The following EPHA7 variants were observed in gnomAD, a reference collection of about 807,000 sequenced individuals.
EPHA7 encodes the protein EPH receptor A7, also known as ephrin type-A receptor 7.
Under a neutral mutation model 112.6 loss-of-function variants are expected in EPHA7, and 25 were observed. The ratio of observed to expected loss-of-function variants is 0.22; its 90% CI spans 0.16 to 0.31. The LOEUF (loss-of-function observed/expected upper bound fraction) is 0.31, where lower values mean the gene tolerates loss of function less well. Ranked by LOEUF, EPHA7 falls within the 10% of genes least tolerant of loss-of-function variation. The pLI, the probability that EPHA7 is intolerant of heterozygous loss-of-function variation, is 1.00. For missense variants in EPHA7, 962 were observed against 1,212.6 expected, an observed-to-expected ratio of 0.79 and a Z score of 3.07; for synonymous variants, 437 against 406.5, an observed-to-expected ratio of 1.07 and a Z score of -0.90.
At chr6:93,315,492 T>C (rs1463262850) in intron 5 of EPHA7, among the ~76,000 whole-genome samples, 2 of 152,120 alleles carry the variant, frequency 1.3e-5, no homozygotes. Flanking sequence ...TATGTAACAA[T>C]CTAAATGACA....
chr6:93,284,888 G>A (rs375417348), intron 5 of EPHA7, among the ~76,000 whole-genome samples: 4 of 152,142 alleles, frequency 2.6e-5, no homozygotes, highest in Non-Finnish European at 2.9e-5. Context: ...GGAGAAATAC[G>A]TAATGTAGAT....
intron 5 of EPHA7, among the ~76,000 whole-genome samples, chr6:93,318,626 G>A (rs1421263988): frequency 6.6e-6 from 1 of 151,780 alleles, no homozygotes; most frequent in Non-Finnish European, 1.5e-5. Flanking sequence ...ATGTCATTTT[G>A]TTTTTTGTTT....
intron 5 of EPHA7, among the ~76,000 whole-genome samples, chr6:93,305,149 G>C (rs556244122): frequency 6.6e-6 from 1 of 150,740 alleles, no homozygotes; most frequent in Admixed American, 6.6e-5. Context: ...ATTACTTCCT[G>C]GTACAAAATA....
chr6:93,410,449 A>T lies in EPHA7; in HGVS notation c.832+52T>A. 1 of 1,484,222 alleles carries T rather than the reference A, an allele frequency of 6.7e-7. No homozygotes were observed. Among genetic ancestry groups the T allele is most frequent in the East Asian group, 2.3e-5 (1 of 43,994 alleles). The allele number at this position is 1,484,222 out of a possible 1,614,324, so 91.9% of individuals were successfully genotyped here. ...TAACTATTAAAGTTTAAAATGTCTG[A>T]TACTGAAATTTAAAAAGGCAAAGTG... On this transcript the variant is annotated intron_variant, in intron 3 of 16. Coordinates refer to ENST00000369303, the MANE Select transcript of EPHA7 (RefSeq NM_004440.4). This position sits in a 1 kb window ranked among gnomAD's most constrained non-coding sequence, Gnocchi z 4.0.
intron 5 of EPHA7, among the ~76,000 whole-genome samples, chr6:93,320,062 G>T (rs1489941381): frequency 6.6e-6 from 1 of 151,952 alleles, no homozygotes; most frequent in African/African-American, 2.4e-5. Context: ...GATAATTAAA[G>T]ATGTGACTCA....
intron 3 of EPHA7, among the ~76,000 whole-genome samples, chr6:93,376,657 A>G (rs1305697729): frequency 6.6e-6 from 1 of 152,192 alleles, no homozygotes; most frequent in Non-Finnish European, 1.5e-5. Context: ...GAACAAAAAT[A>G]AAGTAGATTG....
At chr6:93,291,455 T>A (rs1053094774) in intron 5 of EPHA7, among the ~76,000 whole-genome samples, 3 of 152,110 alleles carry the variant, frequency 2.0e-5, no homozygotes, top group African/African-American at 7.2e-5. Context: ...TAAACTTCCA[T>A]CACTAAACAA....
intron 5 of EPHA7, among the ~76,000 whole-genome samples, chr6:93,311,085 G>A (rs1390222230): frequency 6.8e-6 from 1 of 147,580 alleles, no homozygotes; most frequent in Non-Finnish European, 1.5e-5. Flanking sequence ...AAGTGGTTGG[G>A]ACTACAGGCA....
At chr6:93,301,676 G>A (rs1772983437) in intron 5 of EPHA7, among the ~76,000 whole-genome samples, 1 of 152,122 alleles carries the variant, frequency 6.6e-6, no homozygotes, top group Non-Finnish European at 1.5e-5. Flanking sequence ...TGACAGAGGA[G>A]CCAAAGTTCT....
intron 5 of EPHA7, among the ~76,000 whole-genome samples, chr6:93,282,848 C>A (rs1195880643): frequency 1.3e-5 from 2 of 152,184 alleles, no homozygotes; most frequent in Non-Finnish European, 2.9e-5. Context: ...CAGGGCAGGG[C>A]TCAGGACCTG....
chr6:93,264,282 T>C (rs1303396199), intron 8 of EPHA7, among the ~76,000 whole-genome samples: 2 of 151,518 alleles, frequency 1.3e-5, no homozygotes, highest in African/African-American at 4.8e-5. Flanking sequence ...TCCACAAACA[T>C]TTAATAGCTA....
At chr6:93,418,900 A>G (rs1195519934) in intron 1 of EPHA7, among the ~76,000 whole-genome samples, 1 of 152,174 alleles carries the variant, frequency 6.6e-6, no homozygotes, top group Non-Finnish European at 1.5e-5. Context: ...CGAGCTAGAG[A>G]GAGATGTGAC....
At chr6:93,280,511 A>G (rs539587285) in intron 5 of EPHA7, among the ~76,000 whole-genome samples, 1 of 152,308 alleles carries the variant, frequency 6.6e-6, no homozygotes, top group South Asian at 2.1e-4. Flanking sequence ...GAGTGGCTAC[A>G]CAATGTGTCA....
At chr6:93,251,915 C>T (rs772879026) in intron 14 of EPHA7, among the ~76,000 whole-genome samples, 12 of 151,846 alleles carry the variant, frequency 7.9e-5, no homozygotes, top group Non-Finnish European at 1.3e-4. Context: ...TAACTGAATC[C>T]GACTGTTTCC....
intron 5 of EPHA7, among the ~76,000 whole-genome samples, chr6:93,309,018 C>T (rs562113208): frequency 5.9e-5 from 9 of 151,944 alleles, no homozygotes; most frequent in East Asian, 3.9e-4. Flanking sequence ...GCATGATCTC[C>T]GCTCACTGCA....
At chr6:93,246,686 C>G in intron 15 of EPHA7, 106 bp downstream of exon 15, 2 of 946,936 alleles carry the variant, frequency 2.1e-6, no homozygotes, top group Non-Finnish European at 3.2e-6. Flanking sequence ...TGAGTTTATA[C>G]GTCAACACAA....
chr6:93,310,513 A>T (rs946526512), intron 5 of EPHA7, among the ~76,000 whole-genome samples: 1 of 152,046 alleles, frequency 6.6e-6, no homozygotes, highest in African/African-American at 2.4e-5. Context: ...AAAAATACAG[A>T]AGTTAGCCGG....
chr6:93,411,074 T>A lies in EPHA7; in HGVS notation c.259A>T (p.Thr87Ser), dbSNP rs1036535390. 1 of 1,613,926 alleles carries A rather than the reference T, an allele frequency of 6.2e-7. No individual in the cohort carries two copies. Among genetic ancestry groups the A allele is most frequent in the Non-Finnish European group, 8.5e-7 (1 of 1,179,974 alleles). Residue 87 changes from threonine (T) to serine (S), a missense_variant, in exon 3 of 17, where the codon ACT becomes TCT. Coordinates refer to ENST00000369303, the MANE Select transcript of EPHA7 (RefSeq NM_004440.4). ...GCATTGCCTTTGGAAATCCAGTTAG[T>A]CCGCAGCCAGTTGTTTTGGTTGGGC... ...MEPNQNNWLR[T>S]NWISKGNAQR...
chr6:93,311,522 C>T (rs1259974472), intron 5 of EPHA7, among the ~76,000 whole-genome samples: 1 of 152,146 alleles, frequency 6.6e-6, no homozygotes, highest in Non-Finnish European at 1.5e-5. Context: ...ATATCTTCAG[C>T]ATCTACTTCT....
Sources: gnomAD v4.1 joint callset for allele counts (sites outside exome capture counted in the v4.1 genomes callset) on GRCh38, gnomAD v4.1.1 for gene constraint, Gnocchi (gnomAD v3.1) non-coding constraint, MANE v1.5 for transcripts, NCBI Gene and HGNC (gene_info 2026-07-23, HGNC 2026-07-21) for gene names.